Variants in COL5A2 observed in about 807,000 individuals in gnomAD.
The protein encoded by COL5A2 is collagen type V alpha 2 chain, also known as collagen alpha-2(V) chain.
A neutral mutation model predicts 208.2 loss-of-function variants in COL5A2; 23 were observed. That is an observed-to-expected ratio of 0.11 (90% confidence interval 0.08 to 0.16). The LOEUF is 0.16. Ranked by LOEUF, COL5A2 falls within the 10% of genes least tolerant of loss-of-function variation. COL5A2 has a pLI of 1.00. For missense variants in COL5A2, 1,590 were observed against 1,956.4 expected, an observed-to-expected ratio of 0.81 and a Z score of 3.53; for synonymous variants, 625 against 628.5, an observed-to-expected ratio of 0.99 and a Z score of 0.08.
At chr2:189,307,583 C>T in the COL5A2 span, among the ~76,000 whole-genome samples, 115 of 152,134 alleles carry the variant, frequency 7.6e-4, no homozygotes, top group East Asian at 2.3e-3. Context: ...CGAACCAGAG[C>T]GACTCCATTT....
chr2:189,367,786 C>A, the COL5A2 span, among the ~76,000 whole-genome samples: 1 of 152,192 alleles, frequency 6.6e-6, no homozygotes, highest in South Asian at 2.1e-4. Context: ...AGAAAGAATT[C>A]ATATTGCCTG....
intron 2 of COL5A2, among the ~76,000 whole-genome samples, chr2:189,105,050 C>G (rs561856607): frequency 6.6e-6 from 1 of 151,680 alleles, no homozygotes; most frequent in Admixed American, 6.6e-5. Flanking sequence ...TATCATCTAA[C>G]CAGGACACTT....
At chr2:189,219,040 C>T (rs1179304299) in intron 1 of COL5A2, among the ~76,000 whole-genome samples, 1 of 152,126 alleles carries the variant, frequency 6.6e-6, no homozygotes, top group South Asian at 2.1e-4. Flanking sequence ...TAGTCTGGTA[C>T]TTTCAGAGCA....
At chr2:189,073,168 T>C (rs1686321188) in intron 17 of COL5A2, among the ~76,000 whole-genome samples, 1 of 152,154 alleles carries the variant, frequency 6.6e-6, no homozygotes, top group Non-Finnish European at 1.5e-5. Flanking sequence ...TGGCCCACGT[T>C]GATCATGAAT....
the COL5A2 span, among the ~76,000 whole-genome samples, chr2:189,230,712 G>A: frequency 6.6e-6 from 1 of 151,788 alleles, no homozygotes; most frequent in Non-Finnish European, 1.5e-5. Context: ...CAAAGATGTA[G>A]ACAAATTGGA....
the COL5A2 span, among the ~76,000 whole-genome samples, chr2:189,315,883 G>A: frequency 1.3e-5 from 2 of 151,996 alleles, no homozygotes; most frequent in Admixed American, 6.6e-5. Context: ...ATCACTAAAC[G>A]AATGCACTGA....
At chr2:189,237,876 C>T in the COL5A2 span, among the ~76,000 whole-genome samples, 4 of 151,812 alleles carry the variant, frequency 2.6e-5, no homozygotes, top group Non-Finnish European at 5.9e-5. Context: ...TATCTCAAGG[C>T]TCAGTTTTGT....
chr2:189,173,815 T>A (rs1350606039), intron 1 of COL5A2, among the ~76,000 whole-genome samples: 1 of 152,208 alleles, frequency 6.6e-6, no homozygotes, highest in African/African-American at 2.4e-5. Context: ...TTTATATAAT[T>A]CCAAGATTTG....
chr2:189,228,330 T>C (rs781315742), upstream of COL5A2, among the ~76,000 whole-genome samples: 16 of 151,216 alleles, frequency 1.1e-4, no homozygotes, highest in South Asian at 4.2e-4. Flanking sequence ...ATAAATGAAA[T>C]TGAGAATAGA....
chr2:189,254,676 C>T, the COL5A2 span, among the ~76,000 whole-genome samples: 3 of 152,226 alleles, frequency 2.0e-5, no homozygotes, highest in Non-Finnish European at 4.4e-5. Context: ...TGGCATACAA[C>T]ATTCACCCTG....
Position 189,179,587 on chromosome 2 carries a change from C to A in COL5A2, c.18G>T (p.Ala6=), listed in dbSNP as rs1234895433. Residue 6 remains alanine (A), a synonymous_variant, in exon 1 of 54, where the codon GCG becomes GCT. Transcript: ENST00000374866. ...TAAGAATGAGGAGAGGTCTTGCTTC[C>A]GCCCAGTTTGCCATCATGTCTAAAT... The part of the protein sequence containing the change: MMANW[A]EARPLLILIV... 1.9e-6 allele frequency: 3 copies of A among 1,607,028 alleles called. No homozygotes were observed. The Admixed American group carries it at 5.0e-5, about 27-fold the overall frequency.
At chr2:189,096,756 T>C (rs1686925977) in intron 6 of COL5A2, among the ~76,000 whole-genome samples, 1 of 152,160 alleles carries the variant, frequency 6.6e-6, no homozygotes, top group Non-Finnish European at 1.5e-5. Context: ...CTCAAAGATA[T>C]TGAGGTCACT....
chr2:189,048,417 CT>C (rs1685715852), intron 44 of COL5A2, among the ~76,000 whole-genome samples, 155 bp from the exon 45 acceptor site: 1 of 152,198 alleles, frequency 6.6e-6, no homozygotes, highest in Non-Finnish European at 1.5e-5. Flanking sequence ...GTTTCTACCT[CT>C]TTTTCATTAT....
chr2:189,041,288 C>CT (rs1685555361), intron 50 of COL5A2, among the ~76,000 whole-genome samples: 1 of 152,112 alleles, frequency 6.6e-6, no homozygotes, highest in Non-Finnish European at 1.5e-5. Context: ...AAATATTGCC[C>CT]TTGAGAGCAA....
At position 189,043,256 on chromosome 2, in the gene COL5A2, T is replaced by C; in HGVS notation, c.3366A>G (p.Gly1122=). The change falls in exon 48 of 54, where the codon GGA becomes GGG. Residue 1122 remains glycine, a splice_region_variant and synonymous_variant. Coordinates refer to ENST00000374866, the MANE Select transcript of COL5A2 (RefSeq NM_000393.5). ...CTTTGTCACCACGAGGTCCTTGGGG[T>C]CCCTAGAAATAGAGATATGGCATGA... ...PGRAGKRGLP[G]PQGPRGDKGD... The C allele has an allele frequency of 6.2e-7, 1 of 1,608,544 alleles. No individual in the cohort carries two copies. The highest frequency in any genetic ancestry group is 1.3e-5 in the African/African-American group (1 of 74,918).
At chr2:189,238,286 G>A in the COL5A2 span, among the ~76,000 whole-genome samples, 28 of 152,082 alleles carry the variant, frequency 1.8e-4, no homozygotes, top group Admixed American at 1.8e-3. Flanking sequence ...ACTGAGCATC[G>A]CCATCTTGTT....
chr2:189,412,950 G>A, the COL5A2 span, among the ~76,000 whole-genome samples: 5 of 152,150 alleles, frequency 3.3e-5, no homozygotes, highest in Admixed American at 6.5e-5. Context: ...GAGAATGTTC[G>A]TGGAAGAGAA....
At chr2:189,404,624 C>A in the COL5A2 span, among the ~76,000 whole-genome samples, 2 of 152,160 alleles carry the variant, frequency 1.3e-5, no homozygotes, top group African/African-American at 4.8e-5. Flanking sequence ...CATAATTGCA[C>A]GAGCCAATTC....
chr2:189,145,346 T>C (rs1451819451), intron 1 of COL5A2, among the ~76,000 whole-genome samples: 2 of 152,140 alleles, frequency 1.3e-5, no homozygotes, highest in Non-Finnish European at 2.9e-5. Flanking sequence ...TTTACATGGA[T>C]TCAAGGCAGC....
Sources: allele counts gnomAD v4.1 joint callset (sites outside exome capture counted in the v4.1 genomes callset), GRCh38; gene constraint gnomAD v4.1.1; transcripts MANE v1.5; gene names NCBI Gene and HGNC (gene_info 2026-07-23, HGNC 2026-07-21).